GFM1: variants seen among roughly 807,000 people sequenced by gnomAD.
The protein encoded by GFM1 is G elongation factor mitochondrial 1, also known as elongation factor G, mitochondrial.
A neutral mutation model predicts 96.2 loss-of-function variants in GFM1; 62 were observed. That is an observed-to-expected ratio of 0.64 (90% CI 0.53 to 0.80). The LOEUF (loss-of-function observed/expected upper bound fraction) is 0.80, where lower values mean the gene tolerates loss of function less well. Among genes scored for constraint, GFM1 ranks in the 30% least tolerant of loss-of-function variants. GFM1 has a pLI of 0.00. For missense variants in GFM1, 852 were observed against 916.6 expected (o/e 0.93, Z 0.91); for synonymous variants, 282 against 312.9 (o/e 0.90, Z 1.04).
In GFM1 at chr3:158,646,288, G is replaced by T; in HGVS notation, c.358G>T (p.Asp120Tyr). 1 of 1,614,104 alleles carries T rather than the reference G, an allele frequency of 6.2e-7. No individual in the cohort carries two copies. Among genetic ancestry groups the T allele is most frequent in the Non-Finnish European group, 8.5e-7 (1 of 1,179,972 alleles). The change falls in exon 3 of 18, where the codon GAT (aspartate) becomes TAT (tyrosine). Residue 120 changes from aspartate to tyrosine, a missense_variant. Transcript: ENST00000486715. Reference sequence around the variant, plus strand: ...GAAAGATGTCAATATTAACATTATAGATACTCCTGGTGAGTTGGATTCTTG... The same window carrying T: ...GAAAGATGTCAATATTAACATTATATATACTCCTGGTGAGTTGGATTCTTG... Reference protein sequence around the residue: ...MWKDVNINIIDTPGHVDFTIE... With the variant: ...MWKDVNINIIYTPGHVDFTIE...
rs757691557 is a variant in GFM1, at chr3:158,662,628, G to C, written c.1324G>C (p.Glu442Gln). The stretch of plus-strand genomic sequence containing the variant: ...TGTTTTCTTTTAAAAAATATTTTAG[G>C]AGTCAATTCATGTTCCTGATCCTGT... Reference protein sequence around the residue: ...TDKANSGLSMESIHVPDPVIS... With the variant: ...TDKANSGLSMQSIHVPDPVIS... The change falls in exon 11 of 18, where the codon GAG becomes CAG. Residue 442 changes from glutamate to glutamine, a missense_variant and splice_region_variant. Transcript: ENST00000486715. 3.2e-6 allele frequency: 5 copies of C among 1,576,816 alleles called. No homozygotes were observed. The Admixed American group carries it at 6.7e-5, about 21-fold the overall frequency.
At chr3:158,670,883 A>C in intron 13 of GFM1, 1 of 1,373,766 alleles carries the variant, frequency 7.3e-7, no homozygotes, top group Admixed American at 3.4e-5. Context: ...GCAGTGAGCC[A>C]TGTTCTGCCA....
chr3:158,660,931 A>C lies in GFM1; in HGVS notation c.1279A>C (p.Ser427Arg). 1 of 1,614,040 alleles carries C rather than the reference A, an allele frequency of 6.2e-7. No homozygotes were observed. Residue 427 changes from serine to arginine, a missense_variant, in exon 10 of 18, where the codon AGT becomes CGT. Coordinates refer to ENST00000486715, the MANE Select transcript of GFM1 (RefSeq NM_024996.7). ...ICALFGIDCA[S>R]GDTFTDKANS... ...TGCATTGTTTGGCATTGACTGTGCTAGTGGAGACACATTCACAGACAAAGC... is the reference window on the plus strand; with the variant it reads ...TGCATTGTTTGGCATTGACTGTGCTCGTGGAGACACATTCACAGACAAAGC...
intron 11 of GFM1, 61 bp downstream of exon 11, chr3:158,662,745 T>G: frequency 1.0e-6 from 1 of 952,534 alleles, no homozygotes; most frequent in Non-Finnish European, 1.7e-6. Flanking sequence ...TTTTCATCTA[T>G]CTCTACAATG....
chr3:158,664,023 A>G (rs536753157), intron 11 of GFM1, among the ~76,000 whole-genome samples: 5 of 152,320 alleles, frequency 3.3e-5, no homozygotes, highest in African/African-American at 4.8e-5. Flanking sequence ...TTGCCATGCA[A>G]TAGCTGTGTG....
intron 13 of GFM1, among the ~76,000 whole-genome samples, chr3:158,677,870 A>G (rs965082696): frequency 1.3e-5 from 2 of 152,200 alleles, no homozygotes; most frequent in Admixed American, 6.5e-5. Context: ...TGTGACTTTC[A>G]TAGCTGGAGA....
At position 158,692,513 on chromosome 3, in the gene GFM1, A is replaced by T. The variant is rs1474823698; in HGVS notation, c.*1046A>T. On this transcript the variant is annotated 3_prime_UTR_variant, in exon 18 of 18. Transcript: ENST00000486715. ...CTTCATCCAAAAATCATCTGATGGT[A>T]TAGATGGATCCTAGTCCTTTTCATT... is the stretch of plus-strand genomic sequence containing the variant. 6.6e-6 allele frequency: 1 copy of T among 152,238 alleles called. No individual in the cohort carries two copies. Among genetic ancestry groups the T allele is most frequent in the Admixed American group, 6.5e-5 (1 of 15,290 alleles). The allele number at this position is 152,238 out of a possible 1,614,324, so 9.4% of individuals were successfully genotyped here.
At chr3:158,646,703 G>C in intron 3 of GFM1, 40 bp from the exon 4 acceptor site, 1 of 1,535,830 alleles carries the variant, frequency 6.5e-7, no homozygotes, top group Non-Finnish European at 8.9e-7. Flanking sequence ...TAAAAATTCA[G>C]ATTGCTCTTT....
chr3:158,646,810 C>T lies in GFM1; in HGVS notation c.435C>T (p.Leu145=), dbSNP rs765316378. 2 of 1,614,176 alleles carry T rather than the reference C, an allele frequency of 1.2e-6. No homozygotes were observed. Among genetic ancestry groups the T allele is most frequent in the Middle Eastern group, 1.7e-4 (1 of 6,060 alleles). Residue 145 remains leucine (L), a synonymous_variant, in exon 4 of 18, where the codon CTC becomes CTT. Transcript: ENST00000486715. ...TGTTGGATGGTGCAGTCCTTGTTCT[C>T]TGTGCTGTTGGAGGGGTACAGTGCC... The part of the protein sequence containing the change: ...LRVLDGAVLV[L]CAVGGVQCQT...
At chr3:158,669,008 A>G in intron 13 of GFM1, 1 of 1,611,340 alleles carries the variant, frequency 6.2e-7, no homozygotes, top group Non-Finnish European at 8.5e-7. Flanking sequence ...CTTGCTTGAC[A>G]GTTTGAATTT....
chr3:158,679,239 A>G (rs1332641476), intron 13 of GFM1, among the ~76,000 whole-genome samples: 1 of 152,240 alleles, frequency 6.6e-6, no homozygotes, highest in Non-Finnish European at 1.5e-5. Context: ...GCTATTGCAT[A>G]CTTAATAGAC....
chr3:158,674,552 C>CA (rs893598488), intron 13 of GFM1, among the ~76,000 whole-genome samples: 7 of 152,064 alleles, frequency 4.6e-5, no homozygotes, highest in African/African-American at 1.4e-4. Context: ...ATTTGAGAGA[C>CA]ACTTTAGAAG....
intron 15 of GFM1, among the ~76,000 whole-genome samples, chr3:158,687,548 A>C (rs1008203919): frequency 6.6e-6 from 1 of 150,910 alleles, no homozygotes; most frequent in Admixed American, 6.6e-5. Flanking sequence ...GCTCACTGCA[A>C]CCTCCGCCTC....
At chr3:158,666,021 G>A (rs114482306) in intron 12 of GFM1, among the ~76,000 whole-genome samples, 1 of 152,178 alleles carries the variant, frequency 6.6e-6, no homozygotes, top group Non-Finnish European at 1.5e-5. Context: ...TATTATTCCA[G>A]TGAATATGTA....
Position 158,645,710 on chromosome 3 carries a change from A to G in GFM1, c.163A>G (p.Ile55Val), listed in dbSNP as rs775924165. 9 of 1,611,832 alleles carry G rather than the reference A, an allele frequency of 5.6e-6. No homozygotes were observed. The highest frequency in any genetic ancestry group is 5.5e-5 in the South Asian group (5 of 91,034). The change falls in exon 2 of 18, where the codon ATT becomes GTT. Residue 55 changes from isoleucine to valine, a missense_variant. Physicochemically the swap from Ile to Val is conservative, Grantham distance 29 (BLOSUM62 3). Transcript: ENST00000486715. ...KIRNIGISAH[I>V]DSGKTTLTER... Reference sequence around the variant, plus strand: ...ACGAAATATTGGAATCTCAGCTCACATTGATTCTGGGAAAACTACATTAAC... The same window carrying G: ...ACGAAATATTGGAATCTCAGCTCACGTTGATTCTGGGAAAACTACATTAAC...
chr3:158,682,919 C>T (rs1329033789), intron 14 of GFM1, among the ~76,000 whole-genome samples: 1 of 151,898 alleles, frequency 6.6e-6, no homozygotes, highest in Non-Finnish European at 1.5e-5. Flanking sequence ...CCTGTAGTCC[C>T]AGCTGCTCTG....
At chr3:158,679,555 A>T (rs1229517782) in intron 13 of GFM1, among the ~76,000 whole-genome samples, 2 of 152,372 alleles carry the variant, frequency 1.3e-5, no homozygotes, top group South Asian at 4.1e-4. Flanking sequence ...GCCAGCAACT[A>T]TAAAGCAACT....
At chr3:158,683,663 G>A (rs1310589186) in intron 14 of GFM1, among the ~76,000 whole-genome samples, 1 of 152,108 alleles carries the variant, frequency 6.6e-6, no homozygotes, top group Non-Finnish European at 1.5e-5. Flanking sequence ...TTTTGGTGGG[G>A]GTTTTCTTTT....
chr3:158,659,783 A>T (rs1008108957), intron 9 of GFM1, among the ~76,000 whole-genome samples: 2 of 152,122 alleles, frequency 1.3e-5, no homozygotes, highest in Non-Finnish European at 2.9e-5. Context: ...ATCTTAACGA[A>T]TTTTTTGGTA....
Sources: allele counts gnomAD v4.1 joint callset (sites outside exome capture counted in the v4.1 genomes callset), GRCh38; gene constraint gnomAD v4.1.1; transcripts MANE v1.5; gene names NCBI Gene and HGNC (gene_info 2026-07-23, HGNC 2026-07-21).